Variants in JAKMIP2 observed in about 807,000 individuals in gnomAD.
The protein encoded by JAKMIP2 is janus kinase and microtubule-interacting protein 2.
Under a neutral mutation model 115.0 loss-of-function variants are expected in JAKMIP2, and 25 were observed. That is an observed-to-expected ratio of 0.22 (90% CI 0.16 to 0.30). JAKMIP2 has a LOEUF of 0.30. JAKMIP2 is among the 10% of genes least tolerant of loss of function. JAKMIP2 has a pLI of 1.00. For synonymous variants in JAKMIP2, 334 were observed against 343.6 expected (o/e 0.97, Z 0.31); for missense variants, 642 against 957.6 (o/e 0.67, Z 4.35).
chr5:147,759,824 G>T (rs1429833217), intron 1 of JAKMIP2, among the ~76,000 whole-genome samples: 1 of 152,078 alleles, frequency 6.6e-6, no homozygotes, highest in Non-Finnish European at 1.5e-5. Context: ...ATTTAAAAGG[G>T]TCATTGTGTT....
intron 1 of JAKMIP2, among the ~76,000 whole-genome samples, chr5:147,720,228 T>A (rs1452820583): frequency 6.6e-6 from 1 of 152,236 alleles, no homozygotes; most frequent in Non-Finnish European, 1.5e-5. Flanking sequence ...GCTGTTAGTC[T>A]GATGGGCTTC....
At chr5:147,741,971 CAT>C (rs1042820167) in intron 1 of JAKMIP2, among the ~76,000 whole-genome samples, 7 of 151,784 alleles carry the variant, frequency 4.6e-5, no homozygotes, top group African/African-American at 1.5e-4. Context: ...AACACACACA[CAT>C]GAACTCTATA....
At chr5:147,724,270 C>G (rs1259151035) in intron 1 of JAKMIP2, among the ~76,000 whole-genome samples, 1 of 152,166 alleles carries the variant, frequency 6.6e-6, no homozygotes, top group Non-Finnish European at 1.5e-5. Context: ...GTGCCATATG[C>G]TTACAAATGA....
chr5:147,682,298 G>C (rs1039574057), intron 1 of JAKMIP2, among the ~76,000 whole-genome samples: 3 of 152,278 alleles, frequency 2.0e-5, no homozygotes, highest in Non-Finnish European at 2.9e-5. Context: ...AGATGGTAGA[G>C]GGTAGTCTAA....
chr5:147,709,523 C>T (rs1202708996), intron 1 of JAKMIP2, among the ~76,000 whole-genome samples: 1 of 152,090 alleles, frequency 6.6e-6, no homozygotes, highest in Admixed American at 6.6e-5. Context: ...CGATGACTTA[C>T]TGTGAAGTCA....
intron 21 of JAKMIP2, among the ~76,000 whole-genome samples, chr5:147,596,678 T>C (rs907397554): frequency 5.9e-5 from 9 of 152,224 alleles, no homozygotes; most frequent in African/African-American, 2.2e-4. Context: ...GATACAAAGA[T>C]GAATAAAACA....
At chr5:147,612,400 C>T (rs762415298) in intron 19 of JAKMIP2, 29 bp from the exon 20 acceptor site, 3 of 1,352,432 alleles carry the variant, frequency 2.2e-6, no homozygotes, top group Non-Finnish European at 3.1e-6. Flanking sequence ...AGAAAGAAAG[C>T]ATCAGTAGGT....
chr5:147,617,328 G>A (rs183351800), intron 19 of JAKMIP2, among the ~76,000 whole-genome samples: 154 of 152,224 alleles, frequency 1.0e-3, no homozygotes, highest in African/African-American at 3.3e-3. Context: ...CTTATCTACA[G>A]TATTGTTATC....
At chr5:147,777,106 C>T (rs141712040) in intron 1 of JAKMIP2, among the ~76,000 whole-genome samples, 2 of 152,238 alleles carry the variant, frequency 1.3e-5, no homozygotes, top group African/African-American at 4.8e-5. Context: ...ATTTCACTGC[C>T]TTGGATTCAG....
At chr5:147,737,453 G>A (rs573318554) in intron 1 of JAKMIP2, among the ~76,000 whole-genome samples, 1 of 152,250 alleles carries the variant, frequency 6.6e-6, no homozygotes, top group East Asian at 1.9e-4. Context: ...CTCAAAGGTT[G>A]GAAATGTTAC....
chr5:147,618,059 A>G lies in JAKMIP2; in HGVS notation c.2198T>C (p.Ile733Thr). Residue 733 changes from isoleucine to threonine, a missense_variant, in exon 19 of 22, where the codon ATC becomes ACC. By Grantham distance (89) the Ile-to-Thr change is moderately conservative. This residue lies in a region of JAKMIP2 where 68 missense variants were observed against 104.6 expected (regional missense o/e 0.65). Transcript: ENST00000616793. ...TTCACTTAATAATTCACCAAACTTGATAACAGTTTCTTGCTGTAGAGCATT... is the reference window on the plus strand; with the variant it reads ...TTCACTTAATAATTCACCAAACTTGGTAACAGTTTCTTGCTGTAGAGCATT... ...LYNALQQETV[I>T]KFGELLSEKQ... 3 of 1,614,170 alleles carry G rather than the reference A, an allele frequency of 1.9e-6. No individual in the cohort carries two copies. The highest frequency in any genetic ancestry group is 1.7e-6 in the Non-Finnish European group (2 of 1,179,976).
At chr5:147,609,992 C>T (rs951836037) in intron 20 of JAKMIP2, among the ~76,000 whole-genome samples, 3 of 152,260 alleles carry the variant, frequency 2.0e-5, no homozygotes, top group East Asian at 1.9e-4. Context: ...ATACTGCATG[C>T]TTCACGAAGT....
chr5:147,641,837 G>A, intron 7 of JAKMIP2, 73 bp from the exon 8 acceptor site: 1 of 1,270,656 alleles, frequency 7.9e-7, no homozygotes. Context: ...CAAAGACAGA[G>A]TGTTCTTTCC....
At position 147,614,552 on chromosome 5, in the gene JAKMIP2, G is replaced by A. The variant is rs112093000; in HGVS notation, c.2347-2181C>T. On this transcript the variant is annotated intron_variant, in intron 19 of 21. Coordinates refer to ENST00000616793, the MANE Select transcript of JAKMIP2 (RefSeq NM_001270941.2). ...TGTCTTCCCTTGTCAGGGCTGGTGT[G>A]GCAGCTTCTACCTGCTCTTCCTGCC... Among the ~76,000 whole-genome samples the A allele has an allele frequency of 6.4e-3, 982 of 152,260 alleles. 53 individuals are homozygous for A. The East Asian group carries it at 0.13, about 20-fold the overall frequency.
chr5:147,678,827 T>C (rs1561533702), intron 1 of JAKMIP2, among the ~76,000 whole-genome samples: 1 of 151,214 alleles, frequency 6.6e-6, no homozygotes, highest in Non-Finnish European at 1.5e-5. Flanking sequence ...AATTGAAAAT[T>C]AAAAAAAAAC....
At chr5:147,664,733 C>T (rs1759208484) in intron 2 of JAKMIP2, among the ~76,000 whole-genome samples, 1 of 152,084 alleles carries the variant, frequency 6.6e-6, no homozygotes, top group South Asian at 2.1e-4. Flanking sequence ...CCTCTTCTAC[C>T]CTACCGCAGG....
chr5:147,736,383 G>T (rs1454079313), intron 1 of JAKMIP2, among the ~76,000 whole-genome samples: 1 of 151,994 alleles, frequency 6.6e-6, no homozygotes, highest in Non-Finnish European at 1.5e-5. Context: ...GCTTGAACCT[G>T]GGGGGTGGAG....
intron 1 of JAKMIP2, among the ~76,000 whole-genome samples, chr5:147,742,151 A>T (rs898110094): frequency 1.0e-5 from 1 of 99,680 alleles, no homozygotes; most frequent in Non-Finnish European, 2.0e-5. Context: ...ATATATATAT[A>T]TATATTTTTT....
intron 1 of JAKMIP2, among the ~76,000 whole-genome samples, chr5:147,734,785 A>G (rs1476719075): frequency 6.6e-6 from 1 of 152,162 alleles, no homozygotes; most frequent in African/African-American, 2.4e-5. Flanking sequence ...TCCAAGAAGG[A>G]CAACAGGAAT....
Sources: allele counts gnomAD v4.1 joint callset (sites outside exome capture counted in the v4.1 genomes callset), GRCh38; gene constraint gnomAD v4.1.1; regional missense constraint gnomAD v4.1.1; transcripts MANE v1.5; gene names NCBI Gene and HGNC (gene_info 2026-07-23, HGNC 2026-07-21).